The following ADARB2 variants were observed in gnomAD, a reference collection of about 807,000 sequenced individuals.
ADARB2 encodes inactive double-stranded RNA-specific editase B2.
A neutral mutation model predicts 62.2 loss-of-function variants in ADARB2; 25 were observed. The observed-to-expected ratio is 0.40, with a 90% CI of 0.29 to 0.56. The LOEUF (loss-of-function observed/expected upper bound fraction) is 0.56, where lower values mean the gene tolerates loss of function less well. ADARB2 is among the 20% of genes least tolerant of loss of function. The pLI is 0.43. For synonymous variants in ADARB2, 572 were observed against 500.8 expected, an observed-to-expected ratio of 1.14 and a Z score of -1.90; for missense variants, 1,071 against 1,077.4, an observed-to-expected ratio of 0.99 and a Z score of 0.08.
chr10:1,568,458 C>A (rs546850950), intron 1 of ADARB2, among the ~76,000 whole-genome samples: 1 of 152,056 alleles, frequency 6.6e-6, no homozygotes, highest in Non-Finnish European at 1.5e-5. Flanking sequence ...AACCTGCCCA[C>A]GTGAACCCAG....
chr10:1,666,140 A>G (rs1484832972), intron 1 of ADARB2, among the ~76,000 whole-genome samples: 1 of 152,238 alleles, frequency 6.6e-6, no homozygotes, highest in Non-Finnish European at 1.5e-5. Flanking sequence ...GCACCGCTAT[A>G]AAATGCCACG....
At chr10:1,448,100 A>T (rs1324993950) in intron 1 of ADARB2, among the ~76,000 whole-genome samples, 1 of 152,146 alleles carries the variant, frequency 6.6e-6, no homozygotes, top group African/African-American at 2.4e-5. Flanking sequence ...GGCTAAATTG[A>T]TGTTCTTTAG....
At chr10:1,376,222 T>C (rs1832428523) in intron 2 of ADARB2, among the ~76,000 whole-genome samples, 1 of 152,160 alleles carries the variant, frequency 6.6e-6, no homozygotes, top group Non-Finnish European at 1.5e-5. Flanking sequence ...GAACAATCTA[T>C]GAAAATAAAG....
chr10:1,280,939 C>T (rs918706463), intron 3 of ADARB2, among the ~76,000 whole-genome samples: 3 of 152,306 alleles, frequency 2.0e-5, no homozygotes, highest in South Asian at 2.1e-4. Flanking sequence ...AGGCTGAGCA[C>T]GCACGGCTTA....
At chr10:1,655,999 T>C (rs966159257) in intron 1 of ADARB2, among the ~76,000 whole-genome samples, 1 of 152,262 alleles carries the variant, frequency 6.6e-6, no homozygotes, top group Non-Finnish European at 1.5e-5. Context: ...ATATCTCGTT[T>C]ATCTAGCTTC....
chr10:1,191,049 C>G (rs1478959792), intron 8 of ADARB2, among the ~76,000 whole-genome samples: 1 of 150,572 alleles, frequency 6.6e-6, no homozygotes, highest in Non-Finnish European at 1.5e-5. Flanking sequence ...GGTTTGCACA[C>G]TCTGGGCCCC....
At chr10:1,310,345 G>A (rs377248785) in intron 3 of ADARB2, among the ~76,000 whole-genome samples, 4 of 151,114 alleles carry the variant, frequency 2.6e-5, no homozygotes, top group Admixed American at 1.3e-4. Context: ...GCTAACCTAC[G>A]AAGATGTTGG....
At chr10:1,502,078 C>A (rs998991124) in intron 1 of ADARB2, among the ~76,000 whole-genome samples, 2 of 152,242 alleles carry the variant, frequency 1.3e-5, no homozygotes, top group Non-Finnish European at 2.9e-5. Flanking sequence ...TCACTGACCA[C>A]CAGGTAAACT....
intron 1 of ADARB2, among the ~76,000 whole-genome samples, chr10:1,603,237 G>A (rs746211385): frequency 6.6e-5 from 10 of 152,166 alleles, no homozygotes; most frequent in East Asian, 3.9e-4. Context: ...TGGATTCTTC[G>A]GACAATTGGT....
At chr10:1,436,032 C>A (rs17156341) in intron 1 of ADARB2, among the ~76,000 whole-genome samples, 7,689 of 152,044 alleles carry the variant, frequency 0.051, 279 homozygotes, top group Non-Finnish European at 0.072. Context: ...CCAGAGAAGT[C>A]GGGAGGATGT....
chr10:1,529,182 C>G (rs71500116), intron 1 of ADARB2, among the ~76,000 whole-genome samples: 1 of 81,020 alleles, frequency 1.2e-5, no homozygotes, highest in East Asian at 7.7e-4. Flanking sequence ...AATCAGTCCA[C>G]GCACCATGCC....
intron 1 of ADARB2, among the ~76,000 whole-genome samples, chr10:1,655,714 T>G (rs1448676127): frequency 6.6e-6 from 1 of 152,064 alleles, no homozygotes; most frequent in East Asian, 1.9e-4. Context: ...TATTAGAAAA[T>G]GGCCTCATGG....
intron 4 of ADARB2, among the ~76,000 whole-genome samples, chr10:1,258,691 A>G (rs1831103730): frequency 6.6e-6 from 1 of 152,200 alleles, no homozygotes; most frequent in Admixed American, 6.6e-5. Context: ...ACTCCCCACA[A>G]TAATAATGGG....
At chr10:1,645,672 C>A (rs1834031375) in intron 1 of ADARB2, among the ~76,000 whole-genome samples, 1 of 152,152 alleles carries the variant, frequency 6.6e-6, no homozygotes, top group Admixed American at 6.5e-5. Context: ...TCTAACCCAG[C>A]TCTGAGTCCA....
chr10:1,685,067 G>A (rs780984761), intron 1 of ADARB2, among the ~76,000 whole-genome samples: 5 of 152,186 alleles, frequency 3.3e-5, no homozygotes, highest in Non-Finnish European at 7.3e-5. Context: ...GGAGAAGACC[G>A]GACAGGACCA....
intron 8 of ADARB2, among the ~76,000 whole-genome samples, chr10:1,192,678 A>G (rs1589147490): frequency 6.6e-6 from 1 of 152,208 alleles, no homozygotes; most frequent in African/African-American, 2.4e-5. Flanking sequence ...TCGGCCTGGC[A>G]CGGTGGCTTA....
intron 1 of ADARB2, among the ~76,000 whole-genome samples, chr10:1,462,310 G>A (rs764676861): frequency 3.0e-4 from 46 of 152,338 alleles, no homozygotes; most frequent in Middle Eastern, 3.4e-3. Flanking sequence ...AAGCCCTTTA[G>A]TGAAAGAGAG....
Position 1,363,281 on chromosome 10 carries a change from C to T in ADARB2, c.824G>A (p.Gly275Asp). The change falls in exon 3 of 10, where the codon GGC becomes GAC. Residue 275 changes from glycine (G) to aspartate (D), a missense_variant. By Grantham distance (94) the Gly-to-Asp change is moderately conservative (BLOSUM62 -1). Coordinates refer to ENST00000381312, the MANE Select transcript of ADARB2 (RefSeq NM_018702.4). Reference protein sequence around the residue: ...GPTPATPAAPGERNPVVLLNR... With the variant: ...GPTPATPAAPDERNPVVLLNR... ...CAGCAGCACCACGGGGTTGCGCTCG[C>T]CCGGGGCCGCGGGGGTGGCGGGGGT... 8.0e-7 allele frequency: 1 copy of T among 1,244,188 alleles called. No homozygotes were observed. The highest frequency in any genetic ancestry group is 1.0e-6 in the Non-Finnish European group (1 of 993,234). The allele number at this position is 1,244,188 out of a possible 1,614,324, so 77.1% of individuals were successfully genotyped here.
chr10:1,542,845 GCCCAGACCCCAC>G lies in ADARB2; in HGVS notation c.101-163697_101-163686del, dbSNP rs1564323869. 3.5e-4 allele frequency among the ~76,000 whole-genome samples: 46 copies of G among 130,604 alleles called. 2 individuals carry two copies. The highest frequency in any genetic ancestry group is 9.5e-4 in the East Asian group (3 of 3,160). The allele number at this position is 130,604 out of a possible 152,430, so 85.7% of individuals were successfully genotyped here. ...GCAGTTCAGACCCTGGATCACAGCCGCCCAGACCCCACTCAGATGTAGTTCAGACCCTGGATC... is the reference window on the plus strand; with the variant it reads ...GCAGTTCAGACCCTGGATCACAGCCGTCAGATGTAGTTCAGACCCTGGATC... On this transcript the variant is annotated intron_variant, in intron 1 of 9. Transcript: ENST00000381312.
Sources: gnomAD v4.1 joint callset for allele counts (sites outside exome capture counted in the v4.1 genomes callset) on GRCh38, gnomAD v4.1.1 for gene constraint, MANE v1.5 for transcripts, NCBI Gene and HGNC (gene_info 2026-07-23, HGNC 2026-07-21) for gene names.